Variants in BMERB1 observed in about 807,000 individuals in gnomAD.
The protein encoded by BMERB1 is bMERB domain containing 1.
BMERB1 carries 12 observed loss-of-function variants against 23.6 expected under a neutral mutation model. The ratio of observed to expected loss-of-function variants is 0.51; its 90% CI spans 0.33 to 0.82. The LOEUF (loss-of-function observed/expected upper bound fraction) is 0.82. BMERB1 is among the 40% of genes least tolerant of loss of function. BMERB1 has a pLI of 0.03. For synonymous variants in BMERB1, 122 were observed against 96.6 expected (o/e 1.26, Z -1.54); for missense variants, 247 against 255.4 (o/e 0.97, Z 0.22).
intron 5 of BMERB1, among the ~76,000 whole-genome samples, chr16:15,585,551 G>A (rs1229160490): frequency 6.6e-6 from 1 of 152,086 alleles, no homozygotes; most frequent in African/African-American, 2.4e-5. Context: ...GAAAAACCCG[G>A]CCGGGCACAG....
intron 1 of BMERB1, among the ~76,000 whole-genome samples, chr16:15,465,975 C>A (rs1173400039): frequency 2.0e-5 from 3 of 152,196 alleles, no homozygotes; most frequent in African/African-American, 7.2e-5. Flanking sequence ...ACCACAAATT[C>A]TTCAACCAAT....
chr16:15,469,715 T>G (rs532698563), intron 1 of BMERB1, among the ~76,000 whole-genome samples: 70 of 152,302 alleles, frequency 4.6e-4, no homozygotes, highest in African/African-American at 1.6e-3. Flanking sequence ...TTTGATAAAT[T>G]TATATTTAGG....
chr16:15,582,676 C>T (rs1405292681), intron 4 of BMERB1, among the ~76,000 whole-genome samples: 6 of 152,066 alleles, frequency 3.9e-5, no homozygotes, highest in Non-Finnish European at 1.5e-5. Flanking sequence ...TACGATTGCA[C>T]CATTGCACTC....
At chr16:15,499,903 G>A (rs981231962) in intron 1 of BMERB1, among the ~76,000 whole-genome samples, 16 of 152,168 alleles carry the variant, frequency 1.1e-4, no homozygotes, top group African/African-American at 3.6e-4. Context: ...AGGAAACAAA[G>A]GGATGAGGGT....
At chr16:15,455,263 G>A (rs531842021) in intron 1 of BMERB1, among the ~76,000 whole-genome samples, 3 of 150,060 alleles carry the variant, frequency 2.0e-5, no homozygotes, top group South Asian at 2.1e-4. Flanking sequence ...GATGGAGGTT[G>A]CAGTGAGCCG....
chr16:15,451,479 G>A (rs924621074), intron 1 of BMERB1, among the ~76,000 whole-genome samples: 3 of 151,706 alleles, frequency 2.0e-5, no homozygotes, highest in African/African-American at 7.3e-5. Context: ...CACCATGCCC[G>A]GCCTATTTTG....
At chr16:15,532,858 T>G in intron 2 of BMERB1, 1 of 378,624 alleles carries the variant, frequency 2.6e-6, no homozygotes, top group Non-Finnish European at 5.2e-6. Flanking sequence ...TCCCTGTTTT[T>G]TCATTACTAG....
At chr16:15,439,947 G>A (rs1348841203) in intron 1 of BMERB1, among the ~76,000 whole-genome samples, 1 of 151,870 alleles carries the variant, frequency 6.6e-6, no homozygotes, top group African/African-American at 2.4e-5. Flanking sequence ...TGCCAGGAGA[G>A]GTAATAGCAT....
intron 1 of BMERB1, chr16:15,447,864 G>A (rs2051003288): frequency 1.3e-5 from 6 of 455,896 alleles, no homozygotes; most frequent in South Asian, 9.3e-5. Flanking sequence ...GGAGGACAAG[G>A]GATGGAGGGA....
intron 3 of BMERB1, among the ~76,000 whole-genome samples, chr16:15,578,186 C>T (rs1265494039): frequency 6.6e-6 from 1 of 151,830 alleles, no homozygotes; most frequent in African/African-American, 2.4e-5. Context: ...CCTCCATCTT[C>T]ACGTGACCCT....
chr16:15,581,398 C>A, intron 4 of BMERB1, 67 bp downstream of exon 4: 3 of 1,310,610 alleles, frequency 2.3e-6, no homozygotes, highest in South Asian at 2.6e-5. Flanking sequence ...CTTCCAGAAC[C>A]CATCTTCTGC....
chr16:15,538,495 C>T (rs2052048555), intron 2 of BMERB1, among the ~76,000 whole-genome samples: 1 of 151,842 alleles, frequency 6.6e-6, no homozygotes, highest in African/African-American at 2.4e-5. Flanking sequence ...TCAGTGCTCT[C>T]ATTCCCCCTT....
chr16:15,435,014 C>T (rs1273799703), intron 1 of BMERB1, among the ~76,000 whole-genome samples: 1 of 152,256 alleles, frequency 6.6e-6, no homozygotes. Context: ...GGAGCCTGGG[C>T]TCGACTTAGG....
chr16:15,520,811 C>T (rs775519729), intron 2 of BMERB1, among the ~76,000 whole-genome samples: 2 of 152,180 alleles, frequency 1.3e-5, no homozygotes, highest in Admixed American at 6.5e-5. Flanking sequence ...TGGATAAATA[C>T]AGAAGTTGAC....
chr16:15,490,904 ATG>A (rs781077465), intron 1 of BMERB1, among the ~76,000 whole-genome samples: 1 of 152,126 alleles, frequency 6.6e-6, no homozygotes, highest in Non-Finnish European at 1.5e-5. Flanking sequence ...GTGCAGTGGC[ATG>A]ATCTCAGCTC....
intron 2 of BMERB1, among the ~76,000 whole-genome samples, chr16:15,527,660 C>A (rs924635504): frequency 2.0e-5 from 3 of 151,812 alleles, no homozygotes; most frequent in East Asian, 3.9e-4. Flanking sequence ...TCTTTTTGGA[C>A]ACACATTTCT....
rs537587016 is a variant in BMERB1 at position 15,471,043 on chromosome 16, C to G, written c.106+36284C>G. Among the ~76,000 whole-genome samples the G allele has an allele frequency of 4.0e-5, 6 of 151,310 alleles. No homozygotes were observed. In the South Asian group the frequency reaches 1.3e-3, roughly 32 times the overall value. The stretch of plus-strand genomic sequence containing the variant: ...GTAGAGATGGGGTTTCACGATGTTG[C>G]CCAAGCTAGTCTTGAACTCCTGACC... On this transcript the variant is annotated intron_variant, in intron 1 of 5. Coordinates refer to ENST00000300006, the MANE Select transcript of BMERB1 (RefSeq NM_033201.3).
chr16:15,532,532 T>C (rs879297414), intron 2 of BMERB1, among the ~76,000 whole-genome samples: 90 of 138,598 alleles, frequency 6.5e-4, no homozygotes, highest in Non-Finnish European at 1.1e-3. Flanking sequence ...CCGGCCTTTT[T>C]TTTTTCTTTT....
At chr16:15,462,170 G>A (rs1203077344) in intron 1 of BMERB1, among the ~76,000 whole-genome samples, 2 of 56,628 alleles carry the variant, frequency 3.5e-5, no homozygotes, top group African/African-American at 1.4e-4. Context: ...TTTTTTTTTT[G>A]AGGTGGAGCG....
Sources: gnomAD v4.1 joint callset for allele counts (sites outside exome capture counted in the v4.1 genomes callset) on GRCh38, gnomAD v4.1.1 for gene constraint, MANE v1.5 for transcripts, NCBI Gene and HGNC (gene_info 2026-07-23, HGNC 2026-07-21) for gene names.